The following STK10 variants were observed in gnomAD, a reference collection of about 807,000 sequenced individuals.
STK10 encodes serine/threonine kinase 10, also known as serine/threonine-protein kinase 10.
In STK10, 78 loss-of-function variants were observed where a neutral mutation model predicts 113.8. The observed-to-expected ratio is 0.69, with a 90% confidence interval of 0.57 to 0.83. The LOEUF is 0.83. STK10 is among the 40% of genes least tolerant of loss of function. The pLI is 0.00. For synonymous variants in STK10, 465 were observed against 494.7 expected (o/e 0.94, Z 0.80); for missense variants, 1,109 against 1,280.1 (o/e 0.87, Z 2.04).
chr5:172,182,140 T>G (rs949089701), intron 1 of STK10, among the ~76,000 whole-genome samples: 1 of 151,592 alleles, frequency 6.6e-6, no homozygotes, highest in Non-Finnish European at 1.5e-5. Flanking sequence ...CCGTCTCTAC[T>G]AAAAATACAA....
chr5:172,064,045 G>A (rs79837956), intron 13 of STK10, among the ~76,000 whole-genome samples: 10 of 152,226 alleles, frequency 6.6e-5, no homozygotes, highest in African/African-American at 1.9e-4. Context: ...GCACAGGGCT[G>A]TGGGGGGAAG....
At chr5:172,098,924 C>T (rs1362473301) in intron 7 of STK10, among the ~76,000 whole-genome samples, 1 of 150,952 alleles carries the variant, frequency 6.6e-6, no homozygotes, top group Non-Finnish European at 1.5e-5. Context: ...ACCATCATTA[C>T]CATTACCATC....
intron 1 of STK10, among the ~76,000 whole-genome samples, chr5:172,173,261 G>A (rs747492398): frequency 1.3e-5 from 2 of 152,166 alleles, no homozygotes; most frequent in African/African-American, 2.4e-5. Context: ...CCCCAACCCC[G>A]TATCAGGGCC....
intron 2 of STK10, among the ~76,000 whole-genome samples, chr5:172,156,100 G>T (rs1356213394): frequency 6.6e-6 from 1 of 152,118 alleles, no homozygotes; most frequent in African/African-American, 2.4e-5. Flanking sequence ...GGCTGGTAAA[G>T]AGCCCCCTTC....
intron 1 of STK10, among the ~76,000 whole-genome samples, chr5:172,160,874 G>C (rs538790196): frequency 6.6e-6 from 1 of 152,206 alleles, no homozygotes; most frequent in South Asian, 2.1e-4. Flanking sequence ...ATCCTCTAAC[G>C]TCAAAATTTT....
At chr5:172,054,846 T>G (rs1767711045) in intron 16 of STK10, 152 bp from the exon 17 acceptor site, 3 of 1,187,300 alleles carry the variant, frequency 2.5e-6, no homozygotes, top group East Asian at 4.8e-5. Flanking sequence ...GTGCCCGTGT[T>G]AAGTCCTCAC....
chr5:172,044,643 GA>G lies in STK10; in HGVS notation c.*238del. 2 of 603,442 alleles carry G rather than the reference GA, an allele frequency of 3.3e-6. No homozygotes were observed. The highest frequency in any genetic ancestry group is 4.0e-5 in the South Asian group (2 of 50,436). The allele number at this position is 603,442 out of a possible 1,614,324, so 37.4% of individuals were successfully genotyped here. The stretch of plus-strand genomic sequence containing the variant: ...AGCTTGAAGGGATCTGGGGCTCAAG[GA>G]GAATATACATTAGGTTCAGGTGACA... On this transcript the variant is annotated 3_prime_UTR_variant, in exon 19 of 19. Coordinates refer to ENST00000176763, the MANE Select transcript of STK10 (RefSeq NM_005990.4). The surrounding 1 kb of genome is among the most constrained non-coding windows in gnomAD (Gnocchi z 4.5).
chr5:172,109,447 C>T (rs1398044904), intron 4 of STK10, among the ~76,000 whole-genome samples: 1 of 151,694 alleles, frequency 6.6e-6, no homozygotes, highest in African/African-American at 2.4e-5. Context: ...GTAGCTGAGA[C>T]TACAGGTGTA....
intron 3 of STK10, 44 bp downstream of exon 3, chr5:172,127,329 G>C (rs765294795): frequency 3.1e-6 from 5 of 1,610,994 alleles, no homozygotes; most frequent in Non-Finnish European, 4.2e-6. Flanking sequence ...GACTCCAAAC[G>C]AGTCGTCTGG....
chr5:172,056,433 G>A (rs986541121), intron 15 of STK10, among the ~76,000 whole-genome samples: 1 of 152,210 alleles, frequency 6.6e-6, no homozygotes, highest in African/African-American at 2.4e-5. Flanking sequence ...CAGCTCTGGG[G>A]AGTTCAGGGA....
At chr5:172,068,509 T>C (rs1251580033) in intron 12 of STK10, among the ~76,000 whole-genome samples, 1 of 152,278 alleles carries the variant, frequency 6.6e-6, no homozygotes, top group Non-Finnish European at 1.5e-5. Context: ...AGAAAACTTG[T>C]ATCTTCAGTA....
intron 4 of STK10, chr5:172,115,293 T>A (rs1248540700): frequency 2.0e-5 from 3 of 152,328 alleles, no homozygotes; most frequent in East Asian, 3.8e-4. Context: ...CCCCTGGGAT[T>A]ATTGATGCCA....
At chr5:172,128,216 C>T (rs1455042248) in intron 2 of STK10, among the ~76,000 whole-genome samples, 7 of 94,118 alleles carry the variant, frequency 7.4e-5, no homozygotes, top group African/African-American at 2.7e-4. Flanking sequence ...AGGGAGACTC[C>T]GTCTCAAAAA....
intron 1 of STK10, among the ~76,000 whole-genome samples, chr5:172,171,840 C>T (rs1316388201): frequency 6.6e-6 from 1 of 152,148 alleles, no homozygotes; most frequent in Non-Finnish European, 1.5e-5. Context: ...CCATACTTTA[C>T]AAAATTGGGA....
chr5:172,184,986 CTT>C (rs1297946596), intron 1 of STK10, among the ~76,000 whole-genome samples: 1 of 151,998 alleles, frequency 6.6e-6, no homozygotes, highest in African/African-American at 2.4e-5. Context: ...TAAAAACTGA[CTT>C]TCCACGTGCT....
intron 1 of STK10, among the ~76,000 whole-genome samples, chr5:172,186,071 C>T (rs900902250): frequency 4.6e-5 from 7 of 151,758 alleles, no homozygotes; most frequent in African/African-American, 1.7e-4. Context: ...GTCAGGAGTT[C>T]GAGACCAGCT....
At chr5:172,096,298 C>A in intron 8 of STK10, 128 bp downstream of exon 8, 2 of 1,457,250 alleles carry the variant, frequency 1.4e-6, no homozygotes, top group South Asian at 2.6e-5. Context: ...TGGGAGTCTG[C>A]AACCTCTGAG....
chr5:172,106,577 C>T (rs1004425820), intron 6 of STK10, 43 bp downstream of exon 6: 5 of 1,579,750 alleles, frequency 3.2e-6, no homozygotes, highest in Admixed American at 3.6e-5. Flanking sequence ...GCCCTAATCC[C>T]GGCGCAGGCA....
intron 2 of STK10, among the ~76,000 whole-genome samples, chr5:172,141,649 A>G (rs542766398): frequency 6.6e-5 from 10 of 152,128 alleles, no homozygotes; most frequent in Non-Finnish European, 1.5e-4. Flanking sequence ...AGATACAGGT[A>G]ATACACTCTG....
Sources: allele counts gnomAD v4.1 joint callset (sites outside exome capture counted in the v4.1 genomes callset), GRCh38; gene constraint gnomAD v4.1.1; non-coding constraint Gnocchi (gnomAD v3.1); transcripts MANE v1.5; gene names NCBI Gene and HGNC (gene_info 2026-07-23, HGNC 2026-07-21).